Variants in NIN observed in about 807,000 individuals in gnomAD.
NIN encodes ninein, also known as glycogen synthase kinase 3 beta-interacting protein.
A neutral mutation model predicts 257.6 loss-of-function variants in NIN; 137 were observed. The ratio of observed to expected loss-of-function variants is 0.53; its 90% CI spans 0.46 to 0.61. The LOEUF (loss-of-function observed/expected upper bound fraction) is 0.61. Among genes scored for constraint, NIN ranks in the 20% least tolerant of loss-of-function variants. NIN has a pLI of 0.00. For missense variants in NIN, 2,439 were observed against 2,501.2 expected (o/e 0.98, Z 0.53); for synonymous variants, 918 against 919.8 (o/e 1.00, Z 0.04).
intron 4 of NIN, among the ~76,000 whole-genome samples, chr14:50,802,594 A>G (rs528236730): frequency 6.6e-6 from 1 of 152,360 alleles, no homozygotes; most frequent in Admixed American, 6.5e-5. Flanking sequence ...TATAGTTTCA[A>G]TGAATGTTAA....
chr14:50,789,246 C>A (rs1296087841), intron 5 of NIN, among the ~76,000 whole-genome samples: 2 of 151,984 alleles, frequency 1.3e-5, no homozygotes, highest in Admixed American at 6.6e-5. Flanking sequence ...TTCCAGCAAC[C>A]AAAAGGGAGA....
chr14:50,743,466 C>T lies in NIN; in HGVS notation c.5251G>A (p.Glu1751Lys). 1 of 1,613,814 alleles carries T rather than the reference C, an allele frequency of 6.2e-7. No individual in the cohort carries two copies. The highest frequency in any genetic ancestry group is 1.3e-5 in the African/African-American group (1 of 75,030). The change falls in exon 24 of 31, where the codon GAA becomes AAA. Residue 1751 changes from glutamate to lysine, a missense_variant. Transcript: ENST00000530997. The stretch of plus-strand genomic sequence containing the variant: ...GACTTTAAGCTCGCACTCTGATGTT[C>T]CCAGGATTTCTGTTCCTGCTTCATC... ...ATMKQEQKSW[E>K]HQSASLKSQL...
At chr14:50,727,788 T>TGTCAGGATGAGTTTTA in intron 29 of NIN, 1 of 1,414,796 alleles carries the variant, frequency 7.1e-7, no homozygotes. Flanking sequence ...TTCACCCTCA[T>TGTCAGGATGAGTTTTA]GTCAGGATGA....
intron 27 of NIN, among the ~76,000 whole-genome samples, chr14:50,735,919 C>T (rs1408783602): frequency 1.3e-5 from 2 of 152,244 alleles, no homozygotes; most frequent in South Asian, 2.1e-4. Context: ...CACATATGTA[C>T]AGTACATATC....
chr14:50,784,399 G>A (rs1474656962), intron 5 of NIN, among the ~76,000 whole-genome samples: 1 of 152,200 alleles, frequency 6.6e-6, no homozygotes, highest in African/African-American at 2.4e-5. Flanking sequence ...CTTACCCTCT[G>A]TGTGCCTCAG....
Position 50,738,386 on chromosome 14 carries a change from G to A in NIN, c.5629-100C>T, listed in dbSNP as rs1020812542. The A allele has an allele frequency of 7.3e-6, 7 of 957,562 alleles. No homozygotes were observed. In the African/African-American group the frequency reaches 1.0e-4, roughly 14 times the overall value. The allele number at this position is 957,562 out of a possible 1,614,324, so 59.3% of individuals were successfully genotyped here. On this transcript the variant is annotated intron_variant, in intron 26 of 30. Transcript: ENST00000530997. The stretch of plus-strand genomic sequence containing the variant: ...AGTTTTAATTCAGTACTTGGGTCCT[G>A]TTTAACATCCTTTTTCAATCAAGCC...
rs369682549 is a variant in NIN, at chr14:50,728,997, CTTTG to C, written c.6078+522_6078+525del. ...CTCTGGCACAGGAAAGCTCAGTGTACTTTGTTAGTAGCGCATATCCTAGCAACAT... is the reference window on the plus strand; with the variant it reads ...CTCTGGCACAGGAAAGCTCAGTGTACTTAGTAGCGCATATCCTAGCAACAT... On this transcript the variant is annotated intron_variant, in intron 29 of 30. Coordinates refer to ENST00000530997, the MANE Select transcript of NIN (RefSeq NM_020921.4). Among the ~76,000 whole-genome samples the C allele has an allele frequency of 1.6e-3, 244 of 152,322 alleles. 1 individual carries two copies. The highest frequency in any genetic ancestry group is 5.5e-3 in the African/African-American group (229 of 41,584).
At chr14:50,791,105 G>A (rs2043570848) in intron 5 of NIN, among the ~76,000 whole-genome samples, 1 of 152,158 alleles carries the variant, frequency 6.6e-6, no homozygotes, top group African/African-American at 2.4e-5. Flanking sequence ...ACCTGCTCAA[G>A]TACTGAGACA....
intron 16 of NIN, among the ~76,000 whole-genome samples, chr14:50,761,301 T>C (rs2042265578): frequency 6.6e-6 from 1 of 152,168 alleles, no homozygotes; most frequent in Admixed American, 6.5e-5. Context: ...AATATCAGCA[T>C]AGTTTGTAAC....
intron 28 of NIN, among the ~76,000 whole-genome samples, chr14:50,732,323 C>T (rs2040753665): frequency 6.6e-6 from 1 of 152,230 alleles, no homozygotes; most frequent in Non-Finnish European, 1.5e-5. Context: ...TTGCCCCAAT[C>T]AGGTAAGAAT....
At chr14:50,794,547 C>A in intron 4 of NIN, 2 of 806,214 alleles carry the variant, frequency 2.5e-6, no homozygotes, top group Non-Finnish European at 3.0e-6. Context: ...AGAGGCAATG[C>A]AGAACCATCC....
At chr14:50,732,233 C>A (rs1209855193) in intron 28 of NIN, among the ~76,000 whole-genome samples, 5 of 152,118 alleles carry the variant, frequency 3.3e-5, no homozygotes, top group African/African-American at 1.2e-4. Context: ...CAGGTTAGAA[C>A]CATGAAGACA....
chr14:50,787,462 T>G (rs2043395606), intron 5 of NIN, among the ~76,000 whole-genome samples: 1 of 152,228 alleles, frequency 6.6e-6, no homozygotes, highest in Non-Finnish European at 1.5e-5. Flanking sequence ...TTACTCTCAC[T>G]TGTTTCTTAA....
rs147160294 is a variant in NIN, at chr14:50,745,137, GT to G, written c.5065-773del. On this transcript the variant is annotated intron_variant, in intron 22 of 30. Transcript: ENST00000530997. Reference sequence around the variant, plus strand: ...ATGAAATCAAGACAAACCAAATACTGTTTTTTATTCGTCTTCAATATCAGTG... The same window carrying G: ...ATGAAATCAAGACAAACCAAATACTGTTTTTATTCGTCTTCAATATCAGTG... Among the ~76,000 whole-genome samples, 1,222 of 152,188 alleles carry G rather than the reference GT, an allele frequency of 8.0e-3. 19 individuals carry two copies. Among genetic ancestry groups the G allele is most frequent in the African/African-American group, 0.027 (1,136 of 41,520 alleles).
chr14:50,778,982 A>G (rs2043024528), intron 5 of NIN, among the ~76,000 whole-genome samples, 178 bp from the exon 6 acceptor site: 1 of 152,214 alleles, frequency 6.6e-6, no homozygotes, highest in African/African-American at 2.4e-5. Flanking sequence ...CCAGCCAATC[A>G]GGACGAGACT....
chr14:50,797,639 A>T (rs994055971), intron 4 of NIN, among the ~76,000 whole-genome samples: 1 of 152,198 alleles, frequency 6.6e-6, no homozygotes, highest in Non-Finnish European at 1.5e-5. Context: ...GCACCATCAC[A>T]CAGGGATTAC....
rs755925200 is a variant in NIN, at chr14:50,792,706, C to T, written c.435+6G>A. 1.2e-6 allele frequency: 2 copies of T among 1,614,140 alleles called. No individual in the cohort carries two copies. Among genetic ancestry groups the T allele is most frequent in the Admixed American group, 1.7e-5 (1 of 60,022 alleles). The stretch of plus-strand genomic sequence containing the variant: ...TCCAGATGAACGTGCATGCCCGATT[C>T]CTTACCTCACTGCAGTCACCGGCTG... On this transcript the variant is annotated splice_donor_region_variant and intron_variant, in intron 5 of 30. Transcript: ENST00000530997.
chr14:50,721,340 A>G lies in NIN; in HGVS notation c.*2123T>C, dbSNP rs1222583116. 4.8e-6 allele frequency: 1 copy of G among 208,064 alleles called. No individual in the cohort carries two copies. Among genetic ancestry groups the G allele is most frequent in the Admixed American group, 5.9e-5 (1 of 16,856 alleles). The allele number at this position is 208,064 out of a possible 1,614,324, so 12.9% of individuals were successfully genotyped here. A position where few individuals can be genotyped will look rare whatever the true frequency, so the allele number is the denominator to read the frequency against. On this transcript the variant is annotated 3_prime_UTR_variant, in exon 31 of 31. Transcript: ENST00000530997. ...TATATACACATAAATACAAATTTATAGGAAATAAACAAATTAACCTACACC... is the reference window on the plus strand; with the variant it reads ...TATATACACATAAATACAAATTTATGGGAAATAAACAAATTAACCTACACC...
At chr14:50,741,275 A>G (rs1216779839) in intron 25 of NIN, among the ~76,000 whole-genome samples, 1 of 152,232 alleles carries the variant, frequency 6.6e-6, no homozygotes, top group Non-Finnish European at 1.5e-5. Context: ...ATACAAAAAA[A>G]AGACCTGTTT....
Sources: gnomAD v4.1 joint callset for allele counts (sites outside exome capture counted in the v4.1 genomes callset) on GRCh38, gnomAD v4.1.1 for gene constraint, MANE v1.5 for transcripts, NCBI Gene and HGNC (gene_info 2026-07-23, HGNC 2026-07-21) for gene names.